MCTP1: variants seen among roughly 807,000 people sequenced by gnomAD.
The protein encoded by MCTP1 is multiple C2 and transmembrane domain containing 1.
Under a neutral mutation model 120.6 loss-of-function variants are expected in MCTP1, and 69 were observed. The observed-to-expected ratio is 0.57, with a 90% CI of 0.47 to 0.70. The LOEUF (loss-of-function observed/expected upper bound fraction) is 0.70, where lower values mean the gene tolerates loss of function less well. Among genes scored for constraint, MCTP1 ranks in the 30% least tolerant of loss-of-function variants. The pLI, the probability that MCTP1 is intolerant of heterozygous loss-of-function variation, is 0.00. For missense variants in MCTP1, 1,203 were observed against 1,248.8 expected (o/e 0.96, Z 0.55); for synonymous variants, 529 against 493.1 (o/e 1.07, Z -0.96).
intron 1 of MCTP1, among the ~76,000 whole-genome samples, chr5:95,270,016 G>T (rs1263987036): frequency 6.6e-6 from 1 of 152,166 alleles, no homozygotes; most frequent in Non-Finnish European, 1.5e-5. Flanking sequence ...ACAGAAATAA[G>T]ATGAGGCTAT....
At position 95,100,016 on chromosome 5, in the gene MCTP1, C is replaced by G. The variant is rs1216833314; in HGVS notation, c.721-82532G>C. On this transcript the variant is annotated intron_variant, in intron 1 of 22. Coordinates refer to ENST00000515393, the MANE Select transcript of MCTP1 (RefSeq NM_024717.7). ...GAAATCATCATTCTCAGTAAACTAT[C>G]GCAAGAACAAAAAACCAAACACCGC... Among the ~76,000 whole-genome samples, 21 of 151,086 alleles carry G rather than the reference C, an allele frequency of 1.4e-4. No homozygotes were observed. The East Asian group carries it at 3.5e-3, about 25-fold the overall frequency.
At chr5:95,177,345 T>C (rs766828939) in intron 1 of MCTP1, among the ~76,000 whole-genome samples, 1 of 152,090 alleles carries the variant, frequency 6.6e-6, no homozygotes, top group Admixed American at 6.6e-5. Context: ...AATTGTATGA[T>C]CTCCGGTTTA....
intron 2 of MCTP1, among the ~76,000 whole-genome samples, chr5:94,953,771 GC>G (rs1821257933): frequency 7.1e-6 from 1 of 140,574 alleles, no homozygotes; most frequent in Non-Finnish European, 1.5e-5. Flanking sequence ...TATATCAAAT[GC>G]CATGATATAT....
intron 17 of MCTP1, among the ~76,000 whole-genome samples, chr5:94,842,744 AGTG>A (rs934701044): frequency 3.3e-5 from 5 of 152,232 alleles, no homozygotes; most frequent in African/African-American, 1.2e-4. Flanking sequence ...GAGTATATAA[AGTG>A]GTTTTAGCAA....
At chr5:94,813,129 C>T (rs1464298485) in intron 17 of MCTP1, among the ~76,000 whole-genome samples, 1 of 151,972 alleles carries the variant, frequency 6.6e-6, no homozygotes, top group Non-Finnish European at 1.5e-5. Flanking sequence ...AATACGAAGA[C>T]AAAAACCCCG....
chr5:94,708,476 A>G (rs1187041096), intron 22 of MCTP1, 36 bp downstream of exon 22: 1 of 1,301,812 alleles, frequency 7.7e-7, no homozygotes, highest in Non-Finnish European at 1.1e-6. Context: ...ACACTACATT[A>G]AAATAATAGC....
chr5:95,114,184 G>C (rs962917611), intron 1 of MCTP1, among the ~76,000 whole-genome samples: 1 of 152,228 alleles, frequency 6.6e-6, no homozygotes, highest in Non-Finnish European at 1.5e-5. Flanking sequence ...GTTATTAGCT[G>C]TCTTCAGGTG....
At chr5:94,810,712 A>G (rs529757804) in intron 17 of MCTP1, among the ~76,000 whole-genome samples, 1 of 152,140 alleles carries the variant, frequency 6.6e-6, no homozygotes, top group South Asian at 2.1e-4. Context: ...AAGTTCTGGG[A>G]TATTTGGTAG....
intron 18 of MCTP1, among the ~76,000 whole-genome samples, chr5:94,790,966 T>G (rs1320868433): frequency 6.6e-6 from 1 of 151,976 alleles, no homozygotes. Context: ...CTTTATAGTA[T>G]TGAGAAGGCA....
chr5:95,238,443 G>A (rs990004857), intron 1 of MCTP1, among the ~76,000 whole-genome samples: 2 of 151,958 alleles, frequency 1.3e-5, no homozygotes, highest in Non-Finnish European at 2.9e-5. Flanking sequence ...TTTGCATGGG[G>A]GCTAACACTG....
chr5:94,801,737 G>T (rs1457164463), intron 17 of MCTP1, among the ~76,000 whole-genome samples: 1 of 152,114 alleles, frequency 6.6e-6, no homozygotes, highest in African/African-American at 2.4e-5. Flanking sequence ...TCCTTGTAAT[G>T]TCCATGGATT....
At chr5:94,736,228 C>A (rs1482793178) in intron 19 of MCTP1, among the ~76,000 whole-genome samples, 2 of 152,196 alleles carry the variant, frequency 1.3e-5, no homozygotes, top group African/African-American at 4.8e-5. Context: ...GTGGCTCATG[C>A]CTGTAATCCC....
Position 95,009,056 on chromosome 5 carries a change from A to AAGAGAGAG in MCTP1, c.838+8303_838+8310dup, listed in dbSNP as rs201724037. Reference sequence around the variant, plus strand: ...TAAGAGTGAGAGTGAGAGAGGGAGAAAGAGAGAGAGAGAGAGAGAGAGAGA... The same window carrying AAGAGAGAG: ...TAAGAGTGAGAGTGAGAGAGGGAGAAAGAGAGAGAGAGAGAGAGAGAGAGAGAGAGAGA... On this transcript the variant is annotated intron_variant, in intron 2 of 22. Coordinates refer to ENST00000515393, the MANE Select transcript of MCTP1 (RefSeq NM_024717.7). Among the ~76,000 whole-genome samples the AAGAGAGAG allele has an allele frequency of 1.7e-3, 226 of 129,538 alleles. 10 individuals are homozygous for AAGAGAGAG. Among genetic ancestry groups the AAGAGAGAG allele is most frequent in the African/African-American group, 6.9e-3 (201 of 28,948 alleles). 85.0% of individuals were successfully genotyped at this position (129,538 alleles called of 152,430 possible).
rs1749067994 is a variant in MCTP1 at position 95,061,408 on chromosome 5, G to GTTGTTTTTTTTTTTTT, written c.721-43925_721-43924insAAAAAAAAAAAAACAA. ...ATCAATTTTCACAAACCCCTTAAGGGTTTTTTTTTTTTTTTTTTTTTTTTT... is the reference window on the plus strand; with the variant it reads ...ATCAATTTTCACAAACCCCTTAAGGGTTGTTTTTTTTTTTTTTTTTTTTTTTTTTTTTTTTTTTTTT... On this transcript the variant is annotated intron_variant, in intron 1 of 22. Transcript: ENST00000515393. Among the ~76,000 whole-genome samples the GTTGTTTTTTTTTTTTT allele has an allele frequency of 9.0e-4, 30 of 33,486 alleles. 8 individuals carry two copies. Among genetic ancestry groups the GTTGTTTTTTTTTTTTT allele is most frequent in the Non-Finnish European group, 1.9e-3 (30 of 16,074 alleles). 22.0% of individuals were successfully genotyped at this position (33,486 alleles called of 152,430 possible). A position where few individuals can be genotyped will look rare whatever the true frequency, so the allele number is the denominator to read the frequency against.
intron 1 of MCTP1, among the ~76,000 whole-genome samples, chr5:95,095,789 GT>G (rs1430694722): frequency 6.6e-6 from 1 of 152,124 alleles, no homozygotes; most frequent in African/African-American, 2.4e-5. Context: ...GCAGACTGAA[GT>G]ACATGACTCA....
intron 12 of MCTP1, among the ~76,000 whole-genome samples, chr5:94,885,071 C>T (rs1800960574): frequency 6.6e-6 from 1 of 152,168 alleles, no homozygotes; most frequent in Non-Finnish European, 1.5e-5. Flanking sequence ...AATTCTCTCT[C>T]TCTCCCCCTT....
intron 19 of MCTP1, among the ~76,000 whole-genome samples, chr5:94,742,972 T>C (rs1166214346): frequency 6.6e-6 from 1 of 152,064 alleles, no homozygotes; most frequent in African/African-American, 2.4e-5. Context: ...TAGGATACTA[T>C]CTGATAAATT....
chr5:95,129,779 G>C (rs1382353057), intron 1 of MCTP1, among the ~76,000 whole-genome samples: 1 of 152,090 alleles, frequency 6.6e-6, no homozygotes, highest in Non-Finnish European at 1.5e-5. Context: ...CCCTGCCCCA[G>C]TCTCCCGAGT....
chr5:95,122,824 T>C (rs945828036), intron 1 of MCTP1, among the ~76,000 whole-genome samples: 1 of 152,208 alleles, frequency 6.6e-6, no homozygotes, highest in African/African-American at 2.4e-5. Context: ...TATAAAATAA[T>C]GAGTTCTTGT....
Sources: allele counts gnomAD v4.1 joint callset (sites outside exome capture counted in the v4.1 genomes callset), GRCh38; gene constraint gnomAD v4.1.1; transcripts MANE v1.5; gene names NCBI Gene and HGNC (gene_info 2026-07-23, HGNC 2026-07-21).